The following UBXN11 variants were observed in gnomAD, a reference collection of about 807,000 sequenced individuals.
The protein encoded by UBXN11 is UBX domain protein 11.
A neutral mutation model predicts 62.8 loss-of-function variants in UBXN11; 47 were observed. That is an observed-to-expected ratio of 0.75 (90% confidence interval 0.59 to 0.95). The LOEUF is 0.95. Among genes scored for constraint, UBXN11 ranks in the 40% least tolerant of loss-of-function variants. UBXN11 has a pLI of 0.00. For missense variants in UBXN11, 638 were observed against 661.7 expected (o/e 0.96, Z 0.39); for synonymous variants, 294 against 267.0 (o/e 1.10, Z -0.99).
upstream of UBXN11, among the ~76,000 whole-genome samples, chr1:26,310,727 TAAAAAA>T (rs71004584): frequency 0.18 from 21,817 of 122,118 alleles, 1,908 homozygotes; most frequent in Middle Eastern, 0.23. Flanking sequence ...GACTCTGTCT[TAAAAAA>T]AAAAAAAAAA....
intron 1 of UBXN11, among the ~76,000 whole-genome samples, chr1:26,304,733 A>G (rs888107099): frequency 2.0e-5 from 3 of 152,038 alleles, no homozygotes; most frequent in African/African-American, 7.2e-5. Context: ...AGCCTGGGTG[A>G]CAGAGCAAGA....
chr1:26,301,997 A>G (rs767679398), intron 2 of UBXN11, among the ~76,000 whole-genome samples: 25 of 152,224 alleles, frequency 1.6e-4, no homozygotes, highest in Non-Finnish European at 2.9e-4. Context: ...TGCAAAGCCC[A>G]TGAGCTCAGC....
At chr1:26,290,914 T>C (rs982623156) in intron 8 of UBXN11, among the ~76,000 whole-genome samples, 20 of 152,202 alleles carry the variant, frequency 1.3e-4, no homozygotes, top group South Asian at 6.2e-4. Flanking sequence ...CTGGCCCCAG[T>C]GGCGTGTGAC....
intron 12 of UBXN11, 78 bp from the exon 13 acceptor site, chr1:26,283,015 C>G (rs2073037763): frequency 6.3e-7 from 1 of 1,582,624 alleles, no homozygotes; most frequent in East Asian, 2.2e-5. Flanking sequence ...AGGGACACTT[C>G]CTTGACCAGG....
intron 10 of UBXN11, chr1:26,285,086 G>A: frequency 9.7e-7 from 1 of 1,034,464 alleles, no homozygotes; most frequent in Non-Finnish European, 1.2e-6. Flanking sequence ...TGTCCCCTCT[G>A]CTTTGCATTT....
At position 26,284,413 on chromosome 1, in the gene UBXN11, C is replaced by A. The variant is rs1257937379; in HGVS notation, c.922G>T (p.Val308Leu). 1 of 1,613,814 alleles carries A rather than the reference C, an allele frequency of 6.2e-7. No individual in the cohort carries two copies. The highest frequency in any genetic ancestry group is 1.3e-5 in the African/African-American group (1 of 74,944). ...LDPFPGEGRV[V>L]GRQLMHKALD... is the part of the protein sequence containing the mutation. ...GCCTTGTGCATCAGCTGCCTGCCCACCACACGGCCCTCGCCTGGGAAGGGG... is the reference window on the plus strand; with the variant it reads ...GCCTTGTGCATCAGCTGCCTGCCCAACACACGGCCCTCGCCTGGGAAGGGG... The change falls in exon 11 of 15, where the codon GTG becomes TTG. Residue 308 changes from valine (V) to leucine (L), a missense_variant. Val to Leu is a conservative substitution (Grantham distance 32). Coordinates refer to ENST00000374222, the MANE Select transcript of UBXN11 (RefSeq NM_001389556.1).
chr1:26,285,940 T>C lies in UBXN11; in HGVS notation c.657A>G (p.Thr219=). 1 of 1,613,604 alleles carries C rather than the reference T, an allele frequency of 6.2e-7. No homozygotes were observed. Among genetic ancestry groups the C allele is most frequent in the Non-Finnish European group, 8.5e-7 (1 of 1,179,626 alleles). The part of the protein sequence containing the change: ...ELVVEGDTQV[T]PVPGGARLRT... ...GCAGCCGTGCCCCGCCGGGCACTGG[T>C]GTCACTTGGGTGTCACCCTCTACCA... The change falls in exon 9 of 15, where the codon ACA becomes ACG. Residue 219 remains threonine, a synonymous_variant. Transcript: ENST00000374222.
chr1:26,301,125 C>T, intron 3 of UBXN11, 101 bp from the exon 4 acceptor site: 1 of 1,581,916 alleles, frequency 6.3e-7, no homozygotes, highest in South Asian at 1.1e-5. Context: ...GCACTGTGCC[C>T]CAGGGAGTTT....
At chr1:26,284,813 C>T (rs2073088913) in intron 10 of UBXN11, 2 of 1,091,054 alleles carry the variant, frequency 1.8e-6, no homozygotes, top group Non-Finnish European at 2.2e-6. Flanking sequence ...CAGTCTGCAG[C>T]ACAAACCGCA....
intron 1 of UBXN11, among the ~76,000 whole-genome samples, chr1:26,312,354 G>A (rs1391210377): frequency 2.6e-5 from 4 of 151,998 alleles, no homozygotes; most frequent in African/African-American, 7.2e-5. Context: ...GGGTTCAAGC[G>A]ATTCTCCTGC....
intron 10 of UBXN11, chr1:26,284,782 G>A (rs2073088057): frequency 1.7e-6 from 2 of 1,161,164 alleles, no homozygotes; most frequent in African/African-American, 1.6e-5. Context: ...GTCAGGAGAG[G>A]ACAAAGCCCC....
At chr1:26,303,391 G>A (rs12743998) in intron 1 of UBXN11, among the ~76,000 whole-genome samples, 104,207 of 151,784 alleles carry the variant, frequency 0.69, 36,319 homozygotes, top group Non-Finnish European at 0.75. Context: ...GACACAGGCC[G>A]AGGTGGGTGG....
At chr1:26,308,389 C>T (rs866371436), upstream of UBXN11, among the ~76,000 whole-genome samples, 5 of 152,092 alleles carry the variant, frequency 3.3e-5, no homozygotes, top group Admixed American at 1.3e-4. Context: ...AAACCCAGAA[C>T]GGTCAGCCTC....
In UBXN11 at chr1:26,285,493, G is replaced by A. The variant is rs746503230; in HGVS notation, c.823C>T (p.Arg275Ter). 22 of 1,604,698 alleles carry A rather than the reference G, an allele frequency of 1.4e-5. No homozygotes were observed. Among genetic ancestry groups the A allele is most frequent in the Middle Eastern group, 1.7e-4 (1 of 5,940 alleles). The change falls in exon 10 of 15, where the codon CGA becomes TGA. Residue 275 changes from arginine to a stop codon, truncating the protein, a stop_gained. Coordinates refer to ENST00000374222, the MANE Select transcript of UBXN11 (RefSeq NM_001389556.1). LOFTEE classifies it high-confidence loss of function. ...AAGGGGACCCCATTGGGGTACAGTC[G>A]CTGGAGCTCTGAGGGAAAGAAGCCA... ...LDGFFPSELQ[R>*]LYPNGVPFKV...
intron 4 of UBXN11, among the ~76,000 whole-genome samples, chr1:26,300,244 G>A (rs552538599): frequency 1.3e-5 from 2 of 152,238 alleles, no homozygotes; most frequent in East Asian, 3.9e-4. Context: ...GCCCTCCACC[G>A]AGGAGCATCT....
chr1:26,298,075 C>T lies in UBXN11; in HGVS notation c.200-13G>A, dbSNP rs375484535. On this transcript the variant is annotated splice_polypyrimidine_tract_variant and intron_variant, in intron 4 of 14. Coordinates refer to ENST00000374222, the MANE Select transcript of UBXN11 (RefSeq NM_001389556.1). ...TGGGATGCAGGGACTGCCAAGCACACAAAGTCTTTAGAGCCCAGACCTAGA... is the reference window on the plus strand; with the variant it reads ...TGGGATGCAGGGACTGCCAAGCACATAAAGTCTTTAGAGCCCAGACCTAGA... 4 of 1,610,796 alleles carry T rather than the reference C, an allele frequency of 2.5e-6. No individual in the cohort carries two copies. In the African/African-American group the frequency reaches 5.3e-5, roughly 22 times the overall value.
chr1:26,282,777 T>C lies in UBXN11; in HGVS notation c.1164A>G (p.Ser388=), dbSNP rs2124629418. 1 of 1,614,060 alleles carries C rather than the reference T, an allele frequency of 6.2e-7. No individual in the cohort carries two copies. The highest frequency in any genetic ancestry group is 8.5e-7 in the Non-Finnish European group (1 of 1,179,990). The change falls in exon 14 of 15, where the codon TCA becomes TCG. Residue 388 remains serine (S), a synonymous_variant. Coordinates refer to ENST00000374222, the MANE Select transcript of UBXN11 (RefSeq NM_001389556.1). ...LAAERERSQE[S]PNTPAPPLSM... ...AGAGCGGGGGTGCCGGCGTGTTGGG[T>C]GACTCCTGGCTCCTGCACAGCCCAG... is the stretch of plus-strand genomic sequence containing the variant.
At chr1:26,303,630 C>CAAAAAAA (rs5773154) in intron 1 of UBXN11, among the ~76,000 whole-genome samples, 6 of 80,052 alleles carry the variant, frequency 7.5e-5, no homozygotes, top group African/African-American at 2.1e-4. Context: ...AACTCCATCT[C>CAAAAAAA]AAAAAAAAAA....
At chr1:26,290,846 TG>T (rs1020987708) in intron 8 of UBXN11, among the ~76,000 whole-genome samples, 1 of 85,702 alleles carries the variant, frequency 1.2e-5, no homozygotes, top group African/African-American at 4.9e-5. Flanking sequence ...ATGCAGAGGG[TG>T]GGGGGGAAGG....
Sources: allele counts gnomAD v4.1 joint callset (sites outside exome capture counted in the v4.1 genomes callset), GRCh38; gene constraint gnomAD v4.1.1; transcripts MANE v1.5; gene names NCBI Gene and HGNC (gene_info 2026-07-23, HGNC 2026-07-21).